The following TNS3 variants were observed in gnomAD, a reference collection of about 807,000 sequenced individuals.
The protein encoded by TNS3 is tensin 3.
TNS3 carries 45 observed loss-of-function variants against 140.9 expected under a neutral mutation model. The observed-to-expected ratio is 0.32, with a 90% CI of 0.25 to 0.41. The LOEUF is 0.41. Among genes scored for constraint, TNS3 ranks in the 10% least tolerant of loss-of-function variants. The pLI, the probability that TNS3 is intolerant of heterozygous loss-of-function variation, is 1.00. For synonymous variants in TNS3, 815 were observed against 788.4 expected (o/e 1.03, Z -0.56); for missense variants, 1,716 against 1,906.7 (o/e 0.90, Z 1.86).
chr7:47,323,794 G>A (rs1048335545), intron 20 of TNS3, among the ~76,000 whole-genome samples: 7 of 152,066 alleles, frequency 4.6e-5, no homozygotes, highest in African/African-American at 1.7e-4. Flanking sequence ...TATACCAAGA[G>A]CGAGGACTAA....
At chr7:47,414,132 G>A in intron 11 of TNS3, 135 bp from the exon 12 acceptor site, 1 of 857,124 alleles carries the variant, frequency 1.2e-6, no homozygotes, top group East Asian at 2.5e-5. Context: ...GGAAAGCAGT[G>A]CATGGAGCCA....
intron 1 of TNS3, among the ~76,000 whole-genome samples, chr7:47,559,791 A>G (rs1462730997): frequency 1.3e-5 from 2 of 152,122 alleles, no homozygotes; most frequent in African/African-American, 2.4e-5. Flanking sequence ...CATCAGGGCA[A>G]TGGGCAGCCT....
Position 47,389,073 on chromosome 7 carries a change from A to AGGAAGC in TNS3, c.1024+7726_1024+7727insGCTTCC, listed in dbSNP as rs1562675131. 1.1e-4 allele frequency among the ~76,000 whole-genome samples: 7 copies of AGGAAGC among 62,080 alleles called. 2 individuals are homozygous for AGGAAGC. The highest frequency in any genetic ancestry group is 5.0e-4 in the African/African-American group (7 of 14,020). The allele number at this position is 62,080 out of a possible 152,430, so 40.7% of individuals were successfully genotyped here. On this transcript the variant is annotated intron_variant, in intron 16 of 30. Transcript: ENST00000311160. Reference sequence around the variant, plus strand: ...GAAGAAGAAGAAGAAGAAGAAGAAGAAGAAGAAGAAGAGGAAGAGGAAGAG... The same window carrying AGGAAGC: ...GAAGAAGAAGAAGAAGAAGAAGAAGAGGAAGCAGAAGAAGAAGAGGAAGAGGAAGAG...
At chr7:47,498,878 G>A (rs897779571) in intron 3 of TNS3, among the ~76,000 whole-genome samples, 4 of 152,246 alleles carry the variant, frequency 2.6e-5, no homozygotes, top group Admixed American at 6.5e-5. Flanking sequence ...AAGCCCCGCA[G>A]ATGCCGAGAC....
intron 3 of TNS3, among the ~76,000 whole-genome samples, chr7:47,503,596 T>TTAAG (rs5884013): frequency 0.97 from 148,276 of 152,108 alleles, 72,362 homozygotes; most frequent in East Asian, 1. Flanking sequence ...TCCCTGAAAC[T>TTAAG]TAAGTATTAA....
chr7:47,424,075 C>T (rs1794518410), intron 10 of TNS3, 26 bp downstream of exon 10: 1 of 1,611,596 alleles, frequency 6.2e-7, no homozygotes, highest in Non-Finnish European at 8.5e-7. Context: ...CACCTCTTCA[C>T]TCTGGCTTTG....
chr7:47,582,065 G>A lies in TNS3; in HGVS notation c.-279C>T. ...GGCCCCAGTACCTGGGGGAGCCTGA[G>A]GCGCGGTCCGGCAGGGCGATGGCCG... On this transcript the variant is annotated 5_prime_UTR_variant, in exon 1 of 31. Coordinates refer to ENST00000311160, the MANE Select transcript of TNS3 (RefSeq NM_022748.12). The A allele has an allele frequency of 6.6e-6, 1 of 152,060 alleles. No individual in the cohort carries two copies. Among genetic ancestry groups the A allele is most frequent in the South Asian group, 2.1e-4 (1 of 4,836 alleles). The allele number at this position is 152,060 out of a possible 1,614,324, so 9.4% of individuals were successfully genotyped here.
At chr7:47,548,144 C>A (rs1211953643) in intron 1 of TNS3, among the ~76,000 whole-genome samples, 2 of 152,188 alleles carry the variant, frequency 1.3e-5, no homozygotes, top group South Asian at 2.1e-4. Context: ...AGGTGATCCA[C>A]CCTCCTTGGC....
chr7:47,363,770 C>A (rs775289757), intron 17 of TNS3, among the ~76,000 whole-genome samples: 1 of 152,208 alleles, frequency 6.6e-6, no homozygotes, highest in Admixed American at 6.5e-5. Flanking sequence ...GCCACACTAT[C>A]TATGGGGCTG....
intron 1 of TNS3, chr7:47,539,746 A>G (rs73332508): frequency 0.089 from 13,633 of 153,402 alleles, 2,050 homozygotes; most frequent in African/African-American, 0.31. Context: ...TAAGTCTTGT[A>G]CCTCCAATAG....
chr7:47,512,692 C>A lies in TNS3; in HGVS notation c.-152-5748G>T, dbSNP rs114826313. 3.1e-3 allele frequency among the ~76,000 whole-genome samples: 477 copies of A among 152,090 alleles called. 4 individuals are homozygous for A. The highest frequency in any genetic ancestry group is 0.011 in the African/African-American group (462 of 41,446). On this transcript the variant is annotated intron_variant, in intron 2 of 30. Transcript: ENST00000311160. The stretch of plus-strand genomic sequence containing the variant: ...TCACAACTCAGACAGAAAGGAGGAG[C>A]CAGACAACAAAACTGGGAAAACTGG...
intron 24 of TNS3, among the ~76,000 whole-genome samples, chr7:47,294,646 T>C (rs1033133801): frequency 6.6e-6 from 1 of 152,228 alleles, no homozygotes; most frequent in African/African-American, 2.4e-5. Context: ...CAAGATCCAC[T>C]GGAGTTGGGC....
chr7:47,312,796 T>C (rs932549710), intron 20 of TNS3, among the ~76,000 whole-genome samples: 42 of 151,892 alleles, frequency 2.8e-4, no homozygotes, highest in Non-Finnish European at 3.5e-4. Context: ...GACAAGTTAA[T>C]GGGTGCAGCA....
Position 47,369,406 on chromosome 7 carries a change from T to C in TNS3, c.1240A>G (p.Arg414Gly). 2 of 1,614,086 alleles carry C rather than the reference T, an allele frequency of 1.2e-6. No homozygotes were observed. The highest frequency in any genetic ancestry group is 1.7e-6 in the Non-Finnish European group (2 of 1,179,974). Residue 414 changes from arginine to glycine, a missense_variant, in exon 17 of 31, where the codon AGG becomes GGG. Arg to Gly is a moderately radical substitution (Grantham distance 125, BLOSUM62 -2). Transcript: ENST00000311160. The part of the protein sequence containing the change: ...KTEERLAPGT[R>G]RGLSAQEKAE... The stretch of plus-strand genomic sequence containing the variant: ...TTCTCCTGGGCACTCAGGCCCCTCC[T>C]GGTTCCTGGGGCCAGGCGCTCTTCC...
In TNS3 at chr7:47,344,737, C is replaced by T. The variant is rs767930837; in HGVS notation, c.2650+18G>A. The stretch of plus-strand genomic sequence containing the variant: ...GCCTGAGTGCCGCGCGCCTGTGACC[C>T]GCGGGTAGATTTCTTACCACGTCCT... On this transcript the variant is annotated intron_variant, in intron 20 of 30. Transcript: ENST00000311160. 19 of 1,608,138 alleles carry T rather than the reference C, an allele frequency of 1.2e-5. No individual in the cohort carries two copies. Among genetic ancestry groups the T allele is most frequent in the Middle Eastern group, 2.2e-4 (1 of 4,570 alleles).
chr7:47,307,706 A>C (rs1786839808), intron 20 of TNS3, among the ~76,000 whole-genome samples: 1 of 152,196 alleles, frequency 6.6e-6, no homozygotes, highest in African/African-American at 2.4e-5. Context: ...AATGATGTTG[A>C]ACATCTTTTT....
In TNS3 at chr7:47,293,696, G is replaced by A. The variant is rs1785841010; in HGVS notation, c.3772+37C>T. ...AGCAGAGGGAATCCAGGCCTCATGAGTTCAGAACATTGACAGCAACCTCTC... is the reference window on the plus strand; with the variant it reads ...AGCAGAGGGAATCCAGGCCTCATGAATTCAGAACATTGACAGCAACCTCTC... On this transcript the variant is annotated intron_variant, in intron 25 of 30. Coordinates refer to ENST00000311160, the MANE Select transcript of TNS3 (RefSeq NM_022748.12). The A allele has an allele frequency of 4.4e-6, 7 of 1,589,894 alleles. No homozygotes were observed. The East Asian group carries it at 1.3e-4, about 30-fold the overall frequency.
intron 4 of TNS3, among the ~76,000 whole-genome samples, chr7:47,463,747 G>A (rs1236105500): frequency 6.6e-6 from 1 of 152,118 alleles, no homozygotes; most frequent in Non-Finnish European, 1.5e-5. Flanking sequence ...GAACATGCAG[G>A]TGGGCAACCC....
intron 3 of TNS3, among the ~76,000 whole-genome samples, chr7:47,496,528 G>A (rs764728417): frequency 2.6e-5 from 4 of 152,186 alleles, no homozygotes; most frequent in Non-Finnish European, 2.9e-5. Context: ...CAATCAGCCC[G>A]CTGCACCCCC....
Sources: gnomAD v4.1 joint callset for allele counts (sites outside exome capture counted in the v4.1 genomes callset) on GRCh38, gnomAD v4.1.1 for gene constraint, MANE v1.5 for transcripts, NCBI Gene and HGNC (gene_info 2026-07-23, HGNC 2026-07-21) for gene names.